The following SPTBN1 variants were observed in gnomAD, a reference collection of about 807,000 sequenced individuals.
SPTBN1 encodes the protein spectrin beta chain, non-erythrocytic 1.
Under a neutral mutation model 266.4 loss-of-function variants are expected in SPTBN1, and 32 were observed. The observed-to-expected ratio is 0.12, with a 90% CI of 0.09 to 0.16. The LOEUF is 0.16. Ranked by LOEUF, SPTBN1 falls within the 10% of genes least tolerant of loss-of-function variation. SPTBN1 has a pLI of 1.00. For missense variants in SPTBN1, 2,296 were observed against 3,067.1 expected (o/e 0.75, Z 5.94); for synonymous variants, 1,336 against 1,162.2 (o/e 1.15, Z -3.04).
intron 4 of SPTBN1, among the ~76,000 whole-genome samples, chr2:54,614,245 A>G (rs1677422646): frequency 2.0e-5 from 3 of 152,164 alleles, no homozygotes; most frequent in Admixed American, 6.5e-5. Context: ...GCCAAGGCCC[A>G]GCTGTAGATA....
At chr2:54,654,003 C>T in intron 27 of SPTBN1, 150 bp downstream of exon 27, 1 of 1,196,558 alleles carries the variant, frequency 8.4e-7, no homozygotes, top group South Asian at 1.6e-5. Flanking sequence ...AGTGCGGCAC[C>T]ACTGCTTGCC....
intron 1 of SPTBN1, among the ~76,000 whole-genome samples, chr2:54,524,323 C>T (rs1047841398): frequency 1.3e-5 from 2 of 152,168 alleles, no homozygotes; most frequent in African/African-American, 4.8e-5. Flanking sequence ...TAGATAGCTT[C>T]ATATGCCTGA....
chr2:54,644,653 T>G lies in SPTBN1; in HGVS notation c.4269+67T>G, dbSNP rs1679803614. ...TTACAGCCATAGTCCTTAGAGTCTT[T>G]TCTCACCCACTGCATTATCAGGAGT... On this transcript the variant is annotated intron_variant, in intron 20 of 35. Coordinates refer to ENST00000356805, the MANE Select transcript of SPTBN1 (RefSeq NM_003128.3). 9.8e-6 allele frequency: 15 copies of G among 1,523,156 alleles called. No homozygotes were observed. In the South Asian group the frequency reaches 1.7e-4, roughly 17 times the overall value. 94.4% of individuals were successfully genotyped at this position (1,523,156 alleles called of 1,614,324 possible).
chr2:54,595,385 T>TA (rs1323627721), intron 2 of SPTBN1, among the ~76,000 whole-genome samples: 2 of 152,190 alleles, frequency 1.3e-5, no homozygotes, highest in African/African-American at 4.8e-5. Flanking sequence ...AGGCACCACT[T>TA]ACCAAGTTTG....
rs540132022 is a variant in SPTBN1, at chr2:54,668,408, G to C, written c.6934G>C (p.Glu2312Gln). The C allele has an allele frequency of 1.9e-6, 3 of 1,614,056 alleles. No individual in the cohort carries two copies. The Admixed American group carries it at 5.0e-5, about 27-fold the overall frequency. ...ISSAISSDKH[E>Q]VSASTQSTPA... The stretch of plus-strand genomic sequence containing the variant: ...TTCCGCCATCTCCTCTGATAAACAC[G>C]AGGTGTCTGCCAGCACCCAGAGCAC... Residue 2312 changes from glutamate (E) to glutamine (Q), a missense_variant, in exon 36 of 36, where the codon GAG becomes CAG. Physicochemically the swap from Glu to Gln is conservative, Grantham distance 29. Coordinates refer to ENST00000356805, the MANE Select transcript of SPTBN1 (RefSeq NM_003128.3).
intron 1 of SPTBN1, among the ~76,000 whole-genome samples, chr2:54,459,299 G>A (rs559873358): frequency 6.6e-6 from 1 of 152,306 alleles, no homozygotes; most frequent in African/African-American, 2.4e-5. Context: ...CTTCTCTTGG[G>A]CAAGACTAGT....
At chr2:54,467,497 C>T (rs1364498363) in intron 1 of SPTBN1, among the ~76,000 whole-genome samples, 12 of 152,102 alleles carry the variant, frequency 7.9e-5, no homozygotes, top group Admixed American at 6.5e-4. Flanking sequence ...CAGGTTCAAG[C>T]GATTCTCCTG....
At chr2:54,592,867 G>C (rs1406411652) in intron 2 of SPTBN1, among the ~76,000 whole-genome samples, 1 of 152,202 alleles carries the variant, frequency 6.6e-6, no homozygotes, top group African/African-American at 2.4e-5. Context: ...CTACTGGCTG[G>C]TGACACTTAG....
intron 2 of SPTBN1, among the ~76,000 whole-genome samples, chr2:54,586,261 T>A (rs1379437637): frequency 6.6e-6 from 1 of 152,230 alleles, no homozygotes; most frequent in Non-Finnish European, 1.5e-5. Context: ...ATTTAATTTA[T>A]CAATCTGTCG....
chr2:54,646,341 A>T lies in SPTBN1; in HGVS notation c.4732A>T (p.Ile1578Phe), dbSNP rs771856662. 6.2e-7 allele frequency: 1 copy of T among 1,613,990 alleles called. No individual in the cohort carries two copies. Among genetic ancestry groups the T allele is most frequent in the Non-Finnish European group, 8.5e-7 (1 of 1,179,994 alleles). The part of the protein sequence containing the change: ...ADLKQLWGLL[I>F]EETEKRHRRL... ...CCTGAAGCAGCTGTGGGGTCTCCTC[A>T]TTGAGGAGACAGAGAAACGCCACAG... Residue 1578 changes from isoleucine (I) to phenylalanine (F), a missense_variant, in exon 23 of 36, where the codon ATT becomes TTT. Ile to Phe is a conservative substitution (Grantham distance 21). This residue lies in a region of SPTBN1 where 644 missense variants were observed against 745.3 expected (regional missense o/e 0.86). Transcript: ENST00000356805. This position sits in a 1 kb window ranked among gnomAD's most constrained non-coding sequence, Gnocchi z 4.4.
chr2:54,471,883 C>G (rs557761721), intron 1 of SPTBN1, among the ~76,000 whole-genome samples: 2 of 137,060 alleles, frequency 1.5e-5, no homozygotes, highest in South Asian at 2.3e-4. Flanking sequence ...TCTGTAACAT[C>G]TTATGTTGAA....
intron 15 of SPTBN1, 106 bp downstream of exon 15, chr2:54,630,135 A>G: frequency 7.2e-7 from 1 of 1,394,008 alleles, no homozygotes; most frequent in Non-Finnish European, 9.7e-7. Flanking sequence ...GGGGTCATCG[A>G]CATTGCAACA....
intron 28 of SPTBN1, among the ~76,000 whole-genome samples, chr2:54,655,682 G>A (rs1680602802): frequency 6.6e-6 from 1 of 152,208 alleles, no homozygotes; most frequent in African/African-American, 2.4e-5. Context: ...GCCTCCTCAC[G>A]ACAAAACAGC....
At chr2:54,594,730 C>A (rs1399309952) in intron 2 of SPTBN1, among the ~76,000 whole-genome samples, 1 of 151,968 alleles carries the variant, frequency 6.6e-6, no homozygotes, top group African/African-American at 2.4e-5. Flanking sequence ...ATAGCTGGCC[C>A]AGGTGTTGAA....
At chr2:54,485,719 C>T (rs1404532941) in intron 1 of SPTBN1, among the ~76,000 whole-genome samples, 15 of 151,568 alleles carry the variant, frequency 9.9e-5, no homozygotes, top group Non-Finnish European at 1.8e-4. Flanking sequence ...CGTCTCTGCC[C>T]GGCCGCCATC....
intron 1 of SPTBN1, among the ~76,000 whole-genome samples, chr2:54,519,769 A>G (rs193207626): frequency 1.0e-3 from 154 of 152,320 alleles, no homozygotes; most frequent in African/African-American, 3.7e-3. Flanking sequence ...ATTAGGGATT[A>G]CAATGAGAGA....
chr2:54,643,881 G>A (rs913340694), intron 19 of SPTBN1, among the ~76,000 whole-genome samples: 1 of 152,124 alleles, frequency 6.6e-6, no homozygotes, highest in South Asian at 2.1e-4. Context: ...TATTGGGGAG[G>A]CTGAGGCACG....
At chr2:54,521,541 G>T (rs1016750175) in intron 1 of SPTBN1, among the ~76,000 whole-genome samples, 3 of 152,090 alleles carry the variant, frequency 2.0e-5, no homozygotes, top group South Asian at 4.1e-4. Context: ...TTGAGACGAG[G>T]CTCACTCTGT....
intron 1 of SPTBN1, among the ~76,000 whole-genome samples, chr2:54,470,653 CTT>C (rs896878768): frequency 4.6e-5 from 7 of 152,128 alleles, no homozygotes; most frequent in African/African-American, 1.4e-4. Flanking sequence ...AGTACACTGA[CTT>C]TTAGAGGATG....
Sources: allele counts gnomAD v4.1 joint callset (sites outside exome capture counted in the v4.1 genomes callset), GRCh38; gene constraint gnomAD v4.1.1; regional missense constraint gnomAD v4.1.1; non-coding constraint Gnocchi (gnomAD v3.1); transcripts MANE v1.5; gene names NCBI Gene and HGNC (gene_info 2026-07-23, HGNC 2026-07-21).